The following TPRG1 variants were observed in gnomAD, a reference collection of about 807,000 sequenced individuals.
TPRG1 encodes the protein tumor protein p63-regulated gene 1 protein.
Under a neutral mutation model 29.3 loss-of-function variants are expected in TPRG1, and 29 were observed. The ratio of observed to expected loss-of-function variants is 0.99; its 90% CI spans 0.74 to 1.35. The LOEUF is 1.35. TPRG1 is among the 40% of genes most tolerant of loss of function. The probability of loss-of-function intolerance (pLI) is 0.00; values close to 1 mark genes in which losing one functional copy is unlikely to be tolerated. For synonymous variants in TPRG1, 130 were observed against 116.8 expected (o/e 1.11, Z -0.73); for missense variants, 327 against 335.0 (o/e 0.98, Z 0.19).
At chr3:189,264,148 C>T (rs1713628513) in intron 4 of TPRG1, among the ~76,000 whole-genome samples, 1 of 152,292 alleles carries the variant, frequency 6.6e-6, no homozygotes, top group African/African-American at 2.4e-5. Context: ...TTTCCTTTCT[C>T]AGAGCCTCAG....
intron 5 of TPRG1, among the ~76,000 whole-genome samples, chr3:189,314,182 T>C (rs9841914): frequency 0.45 from 67,954 of 151,956 alleles, 15,797 homozygotes; most frequent in Middle Eastern, 0.55. Flanking sequence ...ACTCAGCTTA[T>C]GACATGTTGA....
chr3:189,278,085 C>T (rs557270990), intron 4 of TPRG1, among the ~76,000 whole-genome samples: 156 of 152,276 alleles, frequency 1.0e-3, no homozygotes, highest in Middle Eastern at 3.4e-3. Flanking sequence ...CAGAGGACTT[C>T]CACTCCTATG....
chr3:189,167,844 G>A (rs566040164), upstream of TPRG1, among the ~76,000 whole-genome samples: 25 of 152,276 alleles, frequency 1.6e-4, no homozygotes, highest in Middle Eastern at 3.4e-3. Context: ...CACTTACTTC[G>A]AGATTCTGTG....
chr3:189,075,017 T>C (rs572057091), intron 4 of TPRG1, among the ~76,000 whole-genome samples: 2 of 152,272 alleles, frequency 1.3e-5, no homozygotes, highest in Non-Finnish European at 2.9e-5. Flanking sequence ...TTCATCGTGT[T>C]AGGCAGGATG....
chr3:189,120,290 C>T (rs966959048), intron 1 of TPRG1: 14 of 152,198 alleles, frequency 9.2e-5, no homozygotes, highest in Admixed American at 9.2e-4. Context: ...ACCGCCACCA[C>T]TGAATTTTCT....
In TPRG1 at chr3:189,004,183, A is replaced by G. The variant is rs953845869; in HGVS notation, c.-877-360A>G. The stretch of plus-strand genomic sequence containing the variant: ...TGCATTTATGTGGTTCAAAAATTTA[A>G]CGTTTATCTGTACACCAAACCCCCA... On this transcript the variant is annotated intron_variant, in intron 2 of 10. Transcript: ENST00000433971. 2.0e-5 allele frequency among the ~76,000 whole-genome samples: 3 copies of G among 152,124 alleles called. No homozygotes were observed. In the South Asian group the frequency reaches 6.2e-4, roughly 31 times the overall value.
intron 4 of TPRG1, among the ~76,000 whole-genome samples, chr3:189,047,353 C>G (rs2152137607): frequency 6.6e-6 from 1 of 152,228 alleles, no homozygotes; most frequent in Middle Eastern, 3.4e-3. Flanking sequence ...TCAAAAACCC[C>G]AAGGTACATA....
At position 189,010,072 on chromosome 3, in the gene TPRG1, G is replaced by C. The variant is rs532704810; in HGVS notation, c.-660+5312G>C. 9.3e-4 allele frequency among the ~76,000 whole-genome samples: 141 copies of C among 152,170 alleles called. 1 individual carries two copies. The highest frequency in any genetic ancestry group is 9.2e-3 in the Admixed American group (141 of 15,266). ...TCATTTTCTGTTCCTGCATTAGTTT[G>C]CTAAGGATAATGGCCTTCAGCTCCA... is the stretch of plus-strand genomic sequence containing the variant. On this transcript the variant is annotated intron_variant, in intron 3 of 10. Transcript: ENST00000433971.
intron 4 of TPRG1, among the ~76,000 whole-genome samples, chr3:189,294,411 C>T (rs529659940): frequency 1.2e-4 from 18 of 152,188 alleles, no homozygotes; most frequent in South Asian, 2.1e-4. Flanking sequence ...AATTTGTGCT[C>T]GGGGCCCACT....
intron 1 of TPRG1, among the ~76,000 whole-genome samples, chr3:188,997,931 C>A (rs1053328078): frequency 6.6e-6 from 1 of 152,132 alleles, no homozygotes; most frequent in African/African-American, 2.4e-5. Context: ...TACATAGATC[C>A]TTTCTCTACA....
At chr3:189,037,189 A>G (rs185494218) in intron 4 of TPRG1, among the ~76,000 whole-genome samples, 10 of 151,994 alleles carry the variant, frequency 6.6e-5, no homozygotes, top group East Asian at 3.9e-4. Flanking sequence ...AATATTGTCT[A>G]TAAAAAATTA....
chr3:189,210,230 G>A (rs1268069198), intron 2 of TPRG1, among the ~76,000 whole-genome samples: 1 of 152,136 alleles, frequency 6.6e-6, no homozygotes, highest in Non-Finnish European at 1.5e-5. Flanking sequence ...AGCTAACTTT[G>A]TAAAAGTTCT....
At chr3:189,113,091 C>T (rs1465378245) in intron 1 of TPRG1, among the ~76,000 whole-genome samples, 19 of 152,216 alleles carry the variant, frequency 1.2e-4, no homozygotes, top group East Asian at 3.9e-4. Context: ...AGGTCCTTCA[C>T]GTCCCTTGTA....
intron 1 of TPRG1, among the ~76,000 whole-genome samples, chr3:189,190,380 C>T (rs937869088): frequency 2.0e-5 from 3 of 152,150 alleles, no homozygotes; most frequent in African/African-American, 7.2e-5. Flanking sequence ...TCTCCTTGGT[C>T]TTCTGGGAAG....
chr3:189,254,249 T>C (rs1047611192), intron 4 of TPRG1, among the ~76,000 whole-genome samples: 3 of 152,218 alleles, frequency 2.0e-5, no homozygotes, highest in African/African-American at 7.2e-5. Context: ...GGCTAGCCAT[T>C]TTTCCCAACA....
chr3:189,277,588 G>A (rs1420668454), intron 4 of TPRG1, among the ~76,000 whole-genome samples: 2 of 152,110 alleles, frequency 1.3e-5, no homozygotes, highest in Non-Finnish European at 2.9e-5. Context: ...CGTTTGGACA[G>A]TATACAGAAT....
rs572409013 is a variant in TPRG1 at position 189,186,221 on chromosome 3, CTG to C, written c.-10+14091_-10+14092del. Among the ~76,000 whole-genome samples the C allele has an allele frequency of 9.8e-4, 149 of 152,202 alleles. 1 individual carries two copies. Among genetic ancestry groups the C allele is most frequent in the Admixed American group, 1.1e-3 (17 of 15,296 alleles). ...AGCTATGACTGGGTTATTTCATAAA[CTG>C]GAGAAAAGTCAATGATGACCCGAAA... On this transcript the variant is annotated intron_variant, in intron 1 of 5. Coordinates refer to ENST00000345063, the MANE Select transcript of TPRG1 (RefSeq NM_198485.4).
intron 2 of TPRG1, among the ~76,000 whole-genome samples, chr3:189,001,818 A>G (rs1248979044): frequency 2.0e-5 from 3 of 152,188 alleles, no homozygotes; most frequent in African/African-American, 7.2e-5. Flanking sequence ...TCAAGATAAG[A>G]TGAGCTCCAT....
chr3:189,195,667 C>T (rs1470165035), intron 1 of TPRG1, among the ~76,000 whole-genome samples: 2 of 152,200 alleles, frequency 1.3e-5, no homozygotes, highest in Non-Finnish European at 2.9e-5. Context: ...CACAGCTGGG[C>T]TTAGTGCCTG....
Sources: gnomAD v4.1 joint callset for allele counts (sites outside exome capture counted in the v4.1 genomes callset) on GRCh38, gnomAD v4.1.1 for gene constraint, MANE v1.5 for transcripts, NCBI Gene and HGNC (gene_info 2026-07-23, HGNC 2026-07-21) for gene names.